The following NUP133 variants were observed in gnomAD, a reference collection of about 807,000 sequenced individuals.
NUP133 encodes the protein nucleoporin 133, also known as nuclear pore complex protein Nup133.
In NUP133, 66 loss-of-function variants were observed where a neutral mutation model predicts 146.2. The observed-to-expected ratio is 0.45, with a 90% confidence interval of 0.37 to 0.55. The LOEUF is 0.55. Ranked by LOEUF, NUP133 falls within the 20% of genes least tolerant of loss-of-function variation. NUP133 has a pLI of 0.00. For synonymous variants in NUP133, 521 were observed against 498.8 expected (o/e 1.04, Z -0.59); for missense variants, 1,277 against 1,374.8 (o/e 0.93, Z 1.12).
intron 11 of NUP133, among the ~76,000 whole-genome samples, chr1:229,485,442 TATGAA>T (rs1467981579): frequency 6.6e-6 from 1 of 152,110 alleles, no homozygotes; most frequent in Non-Finnish European, 1.5e-5. Flanking sequence ...TTAAGTCACA[TATGAA>T]AGGAAAGTGA....
At chr1:229,478,106 T>C (rs761363812) in intron 12 of NUP133, among the ~76,000 whole-genome samples, 16 of 152,116 alleles carry the variant, frequency 1.1e-4, no homozygotes, top group Non-Finnish European at 2.1e-4. Context: ...AAATATCTCA[T>C]GTACCCCACA....
intron 17 of NUP133, among the ~76,000 whole-genome samples, chr1:229,465,127 TA>T (rs1660782581): frequency 6.6e-6 from 1 of 152,212 alleles, no homozygotes; most frequent in East Asian, 1.9e-4. Context: ...TTTCTTGTAT[TA>T]AATCAACATA....
chr1:229,450,464 A>G, intron 23 of NUP133, 61 bp downstream of exon 23: 4 of 788,710 alleles, frequency 5.1e-6, no homozygotes, highest in Non-Finnish European at 8.2e-6. Flanking sequence ...TAAAAGAGGG[A>G]TCTCCCTCTT....
At chr1:229,499,656 T>A in intron 5 of NUP133, 28 bp downstream of exon 5, 1 of 1,568,148 alleles carries the variant, frequency 6.4e-7, no homozygotes, top group Non-Finnish European at 8.6e-7. Context: ...AGCTTTCCAA[T>A]AAATATAAAG....
In NUP133 at chr1:229,498,394, G is replaced by A. The variant is rs765138388; in HGVS notation, c.649-88C>T. 18 of 851,104 alleles carry A rather than the reference G, an allele frequency of 2.1e-5. No homozygotes were observed. The Middle Eastern group carries it at 7.2e-4, about 34-fold the overall frequency. 52.7% of individuals were successfully genotyped at this position (851,104 alleles called of 1,614,324 possible). A position where few individuals can be genotyped will look rare whatever the true frequency, so the allele number is the denominator to read the frequency against. ...TTCTTTGATACAGAGAAAAATCATC[G>A]TAATTGAAATAAATCTAAAAGAATA... On this transcript the variant is annotated intron_variant, in intron 5 of 25. Transcript: ENST00000261396.
At chr1:229,484,194 T>C in intron 11 of NUP133, 49 bp from the exon 12 acceptor site, 4 of 1,364,556 alleles carry the variant, frequency 2.9e-6, no homozygotes, top group Non-Finnish European at 4.1e-6. Flanking sequence ...CTGAATATTC[T>C]TAATTATTGG....
intron 9 of NUP133, among the ~76,000 whole-genome samples, chr1:229,489,113 C>T (rs1326454381): frequency 6.6e-6 from 1 of 152,012 alleles, no homozygotes; most frequent in Non-Finnish European, 1.5e-5. Context: ...TAAACCAAAC[C>T]CTAATTCCTA....
chr1:229,459,313 A>G (rs1183257981), intron 20 of NUP133, among the ~76,000 whole-genome samples: 2 of 152,206 alleles, frequency 1.3e-5, no homozygotes, highest in Non-Finnish European at 2.9e-5. Context: ...GCTTGAGCCC[A>G]GGAATTCAAG....
At chr1:229,496,987 G>A (rs1260052208) in intron 6 of NUP133, among the ~76,000 whole-genome samples, 1 of 152,222 alleles carries the variant, frequency 6.6e-6, no homozygotes, top group Non-Finnish European at 1.5e-5. Flanking sequence ...TAGTCATGAA[G>A]AGGAGTGTTA....
At chr1:229,449,807 A>C (rs1439133004) in intron 23 of NUP133, among the ~76,000 whole-genome samples, 1 of 148,652 alleles carries the variant, frequency 6.7e-6, no homozygotes, top group African/African-American at 2.5e-5. Context: ...TAACCTGTTG[A>C]AACACAAGAA....
At chr1:229,476,510 A>G (rs987857282) in intron 13 of NUP133, among the ~76,000 whole-genome samples, 27 of 152,228 alleles carry the variant, frequency 1.8e-4, no homozygotes, top group African/African-American at 6.5e-4. Flanking sequence ...CACCTGGGAC[A>G]GGCAGCTAGA....
chr1:229,498,929 C>T lies in NUP133; in HGVS notation c.649-623G>A, dbSNP rs1242878959. On this transcript the variant is annotated intron_variant, in intron 5 of 25. Transcript: ENST00000261396. ...TTTTATTTTTTTAGAGATAGGGTCT[C>T]GCTCTGTCACCCAGGCAGAAGTGCA... Among the ~76,000 whole-genome samples the T allele has an allele frequency of 2.0e-5, 3 of 151,998 alleles. No homozygotes were observed. The South Asian group carries it at 6.2e-4, about 31-fold the overall frequency.
chr1:229,475,669 G>A lies in NUP133; in HGVS notation c.1820C>T (p.Ala607Val). 6 of 1,614,104 alleles carry A rather than the reference G, an allele frequency of 3.7e-6. No homozygotes were observed. The highest frequency in any genetic ancestry group is 5.1e-6 in the Non-Finnish European group (6 of 1,179,942). The change falls in exon 14 of 26, where the codon GCT becomes GTT. Residue 607 changes from alanine (A) to valine (V), a missense_variant. Transcript: ENST00000261396. ...ILHQLEDKMK[A>V]HSFLMDFIHQ... The stretch of plus-strand genomic sequence containing the variant: ...AATAAAGTCCATAAGAAAAGAGTGA[G>A]CTTTCATCTTGTCTTCTAGCTGGTG...
chr1:229,487,442 T>C (rs1247057521), intron 10 of NUP133, 24 bp downstream of exon 10: 1 of 1,602,344 alleles, frequency 6.2e-7, no homozygotes, highest in East Asian at 2.2e-5. Context: ...TCACCAATCA[T>C]GCTTTCTAAA....
chr1:229,477,818 C>A, intron 12 of NUP133, 58 bp from the exon 13 acceptor site: 2 of 1,372,594 alleles, frequency 1.5e-6, no homozygotes, highest in Non-Finnish European at 2.0e-6. Context: ...TCAAAACTCA[C>A]CAAGAAAAAA....
In NUP133 at chr1:229,470,300, AAAG is replaced by A. The variant is rs370297198; in HGVS notation, c.2076+277_2076+279del. On this transcript the variant is annotated intron_variant, in intron 15 of 25. Coordinates refer to ENST00000261396, the MANE Select transcript of NUP133 (RefSeq NM_018230.3). ...GAGACTCCATCTCAAAAAAAAAAAA[AAAG>A]AAGATCAGCATGCAAAGCAAATAGG... Among the ~76,000 whole-genome samples the A allele has an allele frequency of 3.2e-4, 48 of 151,972 alleles. 1 individual carries two copies. The highest frequency in any genetic ancestry group is 1.2e-3 in the South Asian group (6 of 4,814).
chr1:229,461,100 T>C (rs959120144), intron 19 of NUP133, among the ~76,000 whole-genome samples: 2 of 152,170 alleles, frequency 1.3e-5, no homozygotes, highest in Admixed American at 1.3e-4. Flanking sequence ...TTAGGTACAT[T>C]AGCCACATTT....
chr1:229,503,577 G>A (rs1412194665), intron 2 of NUP133, among the ~76,000 whole-genome samples: 1 of 152,220 alleles, frequency 6.6e-6, no homozygotes. Context: ...ATTAAGTTGA[G>A]CTTTGCTCTT....
chr1:229,486,333 T>G, intron 11 of NUP133, 38 bp downstream of exon 11: 1 of 1,538,954 alleles, frequency 6.5e-7, no homozygotes, highest in Non-Finnish European at 8.7e-7. Context: ...AAAAAATAAA[T>G]AACATAAAAA....
Sources: allele counts gnomAD v4.1 joint callset (sites outside exome capture counted in the v4.1 genomes callset), GRCh38; gene constraint gnomAD v4.1.1; transcripts MANE v1.5; gene names NCBI Gene and HGNC (gene_info 2026-07-23, HGNC 2026-07-21).